Variants in LDB2 observed in about 807,000 individuals in gnomAD.
LDB2 encodes the protein LIM domain binding 2.
A neutral mutation model predicts 44.3 loss-of-function variants in LDB2; 12 were observed. That is an observed-to-expected ratio of 0.27 (90% confidence interval 0.17 to 0.44). The LOEUF (loss-of-function observed/expected upper bound fraction) is 0.44, where lower values mean the gene tolerates loss of function less well. Ranked by LOEUF, LDB2 falls within the 20% of genes least tolerant of loss-of-function variation. The probability of loss-of-function intolerance (pLI) is 1.00; values close to 1 mark genes in which losing one functional copy is unlikely to be tolerated. For missense variants in LDB2, 344 were observed against 473.5 expected (o/e 0.73, Z 2.54); for synonymous variants, 164 against 174.8 (o/e 0.94, Z 0.49).
chr4:16,668,030 G>C (rs556067074), intron 2 of LDB2, among the ~76,000 whole-genome samples: 1 of 151,936 alleles, frequency 6.6e-6, no homozygotes, highest in East Asian at 1.9e-4. Flanking sequence ...CAAATTACTA[G>C]GTCAAGACCA....
In LDB2 at chr4:16,558,729, G is replaced by A. The variant is rs529296459; in HGVS notation, c.615+27193C>T. On this transcript the variant is annotated intron_variant, in intron 5 of 7. Coordinates refer to ENST00000304523, the MANE Select transcript of LDB2 (RefSeq NM_001290.5). ...AGAGAACGCCACAAAGATACTCCTC[G>A]AGAAGAGCAACTCCAAGACACATAA... Among the ~76,000 whole-genome samples, 204 of 152,056 alleles carry A rather than the reference G, an allele frequency of 1.3e-3. 3 individuals carry two copies. Among genetic ancestry groups the A allele is most frequent in the East Asian group, 6.8e-3 (35 of 5,180 alleles).
At chr4:16,819,075 G>A (rs1039921286) in intron 1 of LDB2, among the ~76,000 whole-genome samples, 4 of 142,318 alleles carry the variant, frequency 2.8e-5, no homozygotes, top group East Asian at 2.1e-4. Context: ...TGAATCTTTC[G>A]TTTCAGTTGT....
intron 1 of LDB2, among the ~76,000 whole-genome samples, chr4:16,811,048 T>C (rs1779759902): frequency 6.6e-6 from 1 of 152,188 alleles, no homozygotes; most frequent in Non-Finnish European, 1.5e-5. Context: ...TCTAGATTCC[T>C]TGCATGTGCA....
At chr4:16,503,148 A>C (rs1315054318) in intron 7 of LDB2, 1 of 1,535,668 alleles carries the variant, frequency 6.5e-7, no homozygotes, top group South Asian at 1.2e-5. Context: ...AAATAAAAAA[A>C]TGTATTTTTC....
chr4:16,598,128 C>T (rs1721515155), intron 2 of LDB2, among the ~76,000 whole-genome samples: 1 of 152,148 alleles, frequency 6.6e-6, no homozygotes, highest in Admixed American at 6.5e-5. Context: ...GGTATTCACG[C>T]CCTTGTGTAC....
chr4:16,892,310 C>T (rs1723649357), intron 1 of LDB2, among the ~76,000 whole-genome samples: 1 of 139,414 alleles, frequency 7.2e-6, no homozygotes, highest in African/African-American at 2.6e-5. Flanking sequence ...CTGAGACTGT[C>T]ATTGCCTGAA....
intron 1 of LDB2, among the ~76,000 whole-genome samples, chr4:16,809,074 A>G (rs1417461676): frequency 6.6e-6 from 1 of 152,076 alleles, no homozygotes; most frequent in Admixed American, 6.6e-5. Flanking sequence ...CTCTTTTTCT[A>G]CTTCCTCAGG....
At chr4:16,534,770 C>A (rs1731208396) in intron 5 of LDB2, among the ~76,000 whole-genome samples, 1 of 152,178 alleles carries the variant, frequency 6.6e-6, no homozygotes, top group South Asian at 2.1e-4. Context: ...AGGACAGATT[C>A]AGATGAACTT....
At chr4:16,523,655 G>A (rs920701437) in intron 5 of LDB2, among the ~76,000 whole-genome samples, 1 of 152,126 alleles carries the variant, frequency 6.6e-6, no homozygotes. Context: ...AGTGTAGATA[G>A]TGTGTATCCA....
rs531889207 is a variant in LDB2, at chr4:16,850,926, T to C, written c.132+47428A>G. 1.0e-4 allele frequency among the ~76,000 whole-genome samples: 15 copies of C among 143,398 alleles called. No individual in the cohort carries two copies. The East Asian group carries it at 3.1e-3, about 30-fold the overall frequency. The allele number at this position is 143,398 out of a possible 152,430, so 94.1% of individuals were successfully genotyped here. ...AGATAGATACTTAGGAGAAATGATA[T>C]AGGTAATAGTTAAAACCATAAGTGT... On this transcript the variant is annotated intron_variant, in intron 1 of 7. Coordinates refer to ENST00000304523, the MANE Select transcript of LDB2 (RefSeq NM_001290.5).
chr4:16,831,853 G>A (rs1307926701), intron 1 of LDB2, among the ~76,000 whole-genome samples: 1 of 152,176 alleles, frequency 6.6e-6, no homozygotes, highest in Non-Finnish European at 1.5e-5. Context: ...TATGATTAAA[G>A]TGAAGAGGCA....
chr4:16,659,619 CACAT>C (rs1740894552), intron 2 of LDB2, among the ~76,000 whole-genome samples: 1 of 142,298 alleles, frequency 7.0e-6, no homozygotes, highest in Non-Finnish European at 1.5e-5. Flanking sequence ...TACACACACA[CACAT>C]ACATAGTTTA....
intron 2 of LDB2, among the ~76,000 whole-genome samples, chr4:16,710,213 C>G (rs1291619067): frequency 6.6e-6 from 1 of 152,168 alleles, no homozygotes; most frequent in Non-Finnish European, 1.5e-5. Flanking sequence ...CACTCCCACA[C>G]TTGCCATATC....
chr4:16,695,503 T>G (rs1365779555), intron 2 of LDB2, among the ~76,000 whole-genome samples: 1 of 151,856 alleles, frequency 6.6e-6, no homozygotes, highest in Non-Finnish European at 1.5e-5. Context: ...TATAAAACAT[T>G]GTAAAAAGAA....
chr4:16,567,588 G>A (rs1419322164), intron 5 of LDB2, among the ~76,000 whole-genome samples: 1 of 152,108 alleles, frequency 6.6e-6, no homozygotes, highest in Non-Finnish European at 1.5e-5. Flanking sequence ...GGCTAATGTG[G>A]TGAAACCCTG....
chr4:16,596,601 CAA>C (rs1232212086), intron 2 of LDB2, among the ~76,000 whole-genome samples: 2 of 152,156 alleles, frequency 1.3e-5, no homozygotes, highest in African/African-American at 4.8e-5. Flanking sequence ...TCTCCATATA[CAA>C]AGAGATCCAT....
At chr4:16,590,917 G>A (rs905907845) in intron 3 of LDB2, among the ~76,000 whole-genome samples, 3 of 152,120 alleles carry the variant, frequency 2.0e-5, no homozygotes, top group Non-Finnish European at 4.4e-5. Context: ...ATTAATTTAC[G>A]AAGACATTAA....
intron 1 of LDB2, among the ~76,000 whole-genome samples, chr4:16,882,363 C>T (rs1260634606): frequency 2.0e-5 from 3 of 152,162 alleles, no homozygotes; most frequent in African/African-American, 7.2e-5. Flanking sequence ...ATAAAGCTAA[C>T]AGCAGAGTTC....
chr4:16,683,669 G>A (rs1748495397), intron 2 of LDB2, among the ~76,000 whole-genome samples: 1 of 152,212 alleles, frequency 6.6e-6, no homozygotes, highest in Non-Finnish European at 1.5e-5. Context: ...CCTTACGAAG[G>A]TGCCAGGATA....
Sources: allele counts gnomAD v4.1 joint callset (sites outside exome capture counted in the v4.1 genomes callset), GRCh38; gene constraint gnomAD v4.1.1; transcripts MANE v1.5; gene names NCBI Gene and HGNC (gene_info 2026-07-23, HGNC 2026-07-21).